The following NLGN1 variants were observed in gnomAD, a reference collection of about 807,000 sequenced individuals.
NLGN1 encodes the protein neuroligin 1, also known as neuroligin-1.
In NLGN1, 12 loss-of-function variants were observed where a neutral mutation model predicts 65.5. The observed-to-expected ratio is 0.18, with a 90% CI of 0.12 to 0.30. The LOEUF (loss-of-function observed/expected upper bound fraction) is 0.30, where lower values mean the gene tolerates loss of function less well. Among genes scored for constraint, NLGN1 ranks in the 10% least tolerant of loss-of-function variants. The pLI is 1.00. For missense variants in NLGN1, 750 were observed against 1,007.1 expected (o/e 0.74, Z 3.46); for synonymous variants, 350 against 359.5 (o/e 0.97, Z 0.30).
At chr3:174,289,899 A>ATATATATATATGTATGTATATATATGTG (rs1244934746), downstream of NLGN1, among the ~76,000 whole-genome samples, 7 of 125,258 alleles carry the variant, frequency 5.6e-5, no homozygotes, top group Non-Finnish European at 1.1e-4. Flanking sequence ...GGGGCACTTT[A>ATATATATATATGTATGTATATATATGTG]TATATATATA....
intron 3 of NLGN1, among the ~76,000 whole-genome samples, chr3:173,717,039 C>A (rs963155194): frequency 6.6e-6 from 1 of 152,160 alleles, no homozygotes; most frequent in Non-Finnish European, 1.5e-5. Context: ...TTAAGTGACT[C>A]TAGCTTTAGA....
At chr3:173,699,589 A>G (rs1766805110) in intron 3 of NLGN1, among the ~76,000 whole-genome samples, 1 of 152,226 alleles carries the variant, frequency 6.6e-6, no homozygotes, top group Non-Finnish European at 1.5e-5. Context: ...ACTAAGCAAC[A>G]GAATGGGAGT....
intron 4 of NLGN1, among the ~76,000 whole-genome samples, chr3:173,944,458 G>A (rs1382900012): frequency 6.6e-6 from 1 of 152,052 alleles, no homozygotes; most frequent in African/African-American, 2.4e-5. Flanking sequence ...AACTGGGAGG[G>A]GCAACCTTCT....
chr3:174,155,697 C>T (rs1453051829), intron 4 of NLGN1, among the ~76,000 whole-genome samples: 5 of 151,380 alleles, frequency 3.3e-5, no homozygotes, highest in African/African-American at 9.7e-5. Flanking sequence ...GCATAAATTG[C>T]TTTAAAAATA....
chr3:173,623,245 T>C (rs1329199218), intron 3 of NLGN1, among the ~76,000 whole-genome samples: 2 of 152,060 alleles, frequency 1.3e-5, no homozygotes, highest in African/African-American at 2.4e-5. Context: ...AGTTGGATGC[T>C]TATAGCAGTG....
At chr3:173,860,450 T>C (rs1728833762) in intron 4 of NLGN1, among the ~76,000 whole-genome samples, 2 of 152,192 alleles carry the variant, frequency 1.3e-5, no homozygotes, top group Non-Finnish European at 2.9e-5. Flanking sequence ...TTTCTCAAAT[T>C]TTCTTTGGTG....
intron 3 of NLGN1, among the ~76,000 whole-genome samples, chr3:173,665,927 T>G (rs1408927188): frequency 6.6e-6 from 1 of 152,148 alleles, no homozygotes; most frequent in Non-Finnish European, 1.5e-5. Flanking sequence ...TATAACTTAG[T>G]GCTTCCAAAA....
intron 4 of NLGN1, among the ~76,000 whole-genome samples, chr3:173,850,842 TCC>T (rs1416304286): frequency 4.6e-5 from 7 of 152,046 alleles, no homozygotes; most frequent in African/African-American, 1.7e-4. Context: ...GGCTCAAGTA[TCC>T]TCCCACCTCA....
At chr3:173,836,459 A>G (rs1188638181) in intron 4 of NLGN1, among the ~76,000 whole-genome samples, 3 of 152,188 alleles carry the variant, frequency 2.0e-5, no homozygotes, top group African/African-American at 7.2e-5. Context: ...ACCTTAATTT[A>G]CATGCAAATC....
intron 4 of NLGN1, among the ~76,000 whole-genome samples, chr3:173,902,149 C>T (rs78730247): frequency 0.013 from 1,941 of 152,202 alleles, 50 homozygotes; most frequent in African/African-American, 0.042. Context: ...CACTCTGCCA[C>T]ATCCCATACT....
At chr3:173,816,656 C>G (rs190184958) in intron 4 of NLGN1, among the ~76,000 whole-genome samples, 1 of 152,352 alleles carries the variant, frequency 6.6e-6, no homozygotes, top group Admixed American at 6.5e-5. Flanking sequence ...GGCAAAAGCC[C>G]TCATGAAGTG....
At chr3:173,727,085 AAG>A (rs1219280446) in intron 3 of NLGN1, among the ~76,000 whole-genome samples, 6 of 152,162 alleles carry the variant, frequency 3.9e-5, no homozygotes, top group Non-Finnish European at 7.4e-5. Flanking sequence ...ATCAATTGAG[AAG>A]AGAGTCAGGG....
intron 4 of NLGN1, among the ~76,000 whole-genome samples, chr3:174,009,906 G>T (rs1025124314): frequency 6.6e-6 from 1 of 152,092 alleles, no homozygotes; most frequent in African/African-American, 2.4e-5. Flanking sequence ...TCAGAGAAAT[G>T]CTGCCATGCA....
chr3:173,464,622 A>T (rs947650949), intron 2 of NLGN1, among the ~76,000 whole-genome samples: 3 of 151,778 alleles, frequency 2.0e-5, no homozygotes, highest in African/African-American at 7.3e-5. Context: ...TTTAGTAGAC[A>T]CGGGGTTTCT....
intron 2 of NLGN1, among the ~76,000 whole-genome samples, chr3:173,483,406 G>A (rs984651987): frequency 4.5e-4 from 68 of 151,872 alleles, no homozygotes; most frequent in African/African-American, 1.6e-3. Flanking sequence ...GTTATAGATT[G>A]TGTAGAAAAT....
At position 173,573,608 on chromosome 3, in the gene NLGN1, G is replaced by A. The variant is rs767024768; in HGVS notation, c.-320-30671G>A. Among the ~76,000 whole-genome samples the A allele has an allele frequency of 7.8e-4, 118 of 150,534 alleles. 1 individual carries two copies. The highest frequency in any genetic ancestry group is 1.3e-3 in the Non-Finnish European group (86 of 67,708). ...AGTAGGGGAGAGGAAAATGGATAAT[G>A]AGTATAGGAAGAAGACAGGCTTTCC... On this transcript the variant is annotated intron_variant, in intron 2 of 6. Transcript: ENST00000457714.
chr3:174,191,083 C>T (rs1405516966), intron 4 of NLGN1, among the ~76,000 whole-genome samples: 1 of 152,048 alleles, frequency 6.6e-6, no homozygotes, highest in Non-Finnish European at 1.5e-5. Context: ...TAGCAGAAGC[C>T]TTTCCATAGG....
At chr3:173,769,346 C>T (rs1486233448) in intron 3 of NLGN1, among the ~76,000 whole-genome samples, 2 of 152,144 alleles carry the variant, frequency 1.3e-5, no homozygotes, top group African/African-American at 4.8e-5. Context: ...TGTGTGACTT[C>T]TATGCTCAAA....
chr3:173,430,518 G>A lies in NLGN1; in HGVS notation c.-389-4492G>A, dbSNP rs187483053. On this transcript the variant is annotated intron_variant, in intron 1 of 6. Coordinates refer to ENST00000457714, the Ensembl canonical transcript of NLGN1. ...AGAAGTGAAGCTGTTATCTTACTGC[G>A]TCCTATCAGGTGGCTCTTGATTAAG... is the stretch of plus-strand genomic sequence containing the variant. Among the ~76,000 whole-genome samples the A allele has an allele frequency of 2.1e-3, 325 of 152,266 alleles. 1 individual carries two copies. Among genetic ancestry groups the A allele is most frequent in the African/African-American group, 3.8e-3 (157 of 41,564 alleles).
Sources: gnomAD v4.1 joint callset for allele counts (sites outside exome capture counted in the v4.1 genomes callset) on GRCh38, gnomAD v4.1.1 for gene constraint, MANE v1.5 for transcripts, NCBI Gene and HGNC (gene_info 2026-07-23, HGNC 2026-07-21) for gene names.